The following KYAT3 variants were observed in gnomAD, a reference collection of about 807,000 sequenced individuals.
KYAT3 encodes the protein kynurenine aminotransferase 3, also known as kynurenine--oxoglutarate transaminase 3.
Under a neutral mutation model 59.0 loss-of-function variants are expected in KYAT3, and 50 were observed. The ratio of observed to expected loss-of-function variants is 0.85; its 90% CI spans 0.68 to 1.07. KYAT3 has a LOEUF of 1.07. Among genes scored for constraint, KYAT3 ranks in the 50% least tolerant of loss-of-function variants. The pLI, the probability that KYAT3 is intolerant of heterozygous loss-of-function variation, is 0.00. For missense variants in KYAT3, 497 were observed against 533.3 expected, an observed-to-expected ratio of 0.93 and a Z score of 0.67; for synonymous variants, 148 against 177.0, an observed-to-expected ratio of 0.84 and a Z score of 1.30.
At chr1:88,984,775 A>C (rs914558625) in intron 2 of KYAT3, among the ~76,000 whole-genome samples, 12 of 152,208 alleles carry the variant, frequency 7.9e-5, no homozygotes, top group Admixed American at 6.5e-4. Context: ...GGCTTTTGTA[A>C]ATTGAAGCTA....
chr1:88,922,853 G>A, the KYAT3 span, among the ~76,000 whole-genome samples: 4 of 152,318 alleles, frequency 2.6e-5, no homozygotes, highest in South Asian at 4.2e-4. Flanking sequence ...ACAGTGATTA[G>A]TTCAGGGATG....
intron 9 of KYAT3, among the ~76,000 whole-genome samples, 199 bp from the exon 10 acceptor site, chr1:88,953,351 C>A (rs1000128092): frequency 6.6e-6 from 1 of 151,966 alleles, no homozygotes; most frequent in Non-Finnish European, 1.5e-5. Flanking sequence ...TGAAGACCAG[C>A]CTGGTCAACA....
intron 2 of KYAT3, among the ~76,000 whole-genome samples, chr1:88,987,913 T>C (rs1305717194): frequency 6.6e-6 from 1 of 152,242 alleles, no homozygotes; most frequent in African/African-American, 2.4e-5. Context: ...TTGGTGGTTA[T>C]GGGTTTTAAA....
intron 2 of KYAT3, among the ~76,000 whole-genome samples, chr1:88,986,495 T>C (rs980997556): frequency 6.6e-6 from 1 of 151,748 alleles, no homozygotes; most frequent in African/African-American, 2.4e-5. Context: ...TTTTGCCATG[T>C]TGCCCAGGCT....
At chr1:88,946,755 G>A (rs1214236558) in intron 11 of KYAT3, among the ~76,000 whole-genome samples, 1 of 152,112 alleles carries the variant, frequency 6.6e-6, no homozygotes, top group Non-Finnish European at 1.5e-5. Context: ...AACACCTTAA[G>A]AGGTTCTATA....
intron 2 of KYAT3, among the ~76,000 whole-genome samples, chr1:88,976,986 T>C (rs561724929): frequency 2.1e-4 from 32 of 152,292 alleles, no homozygotes; most frequent in African/African-American, 7.5e-4. Flanking sequence ...TGAATTGTCT[T>C]CAATTTATTA....
intron 2 of KYAT3, among the ~76,000 whole-genome samples, chr1:88,973,209 T>C (rs150128496): frequency 4.9e-4 from 74 of 152,346 alleles, no homozygotes; most frequent in African/African-American, 1.8e-3. Context: ...ACAATCTTAT[T>C]CACAGCTCTC....
intron 2 of KYAT3, among the ~76,000 whole-genome samples, chr1:88,969,712 G>A (rs1676479638): frequency 6.6e-6 from 1 of 151,818 alleles, no homozygotes; most frequent in South Asian, 2.1e-4. Flanking sequence ...TGTGATCATG[G>A]CTCACTGCAG....
At chr1:88,924,673 C>A in the KYAT3 span, among the ~76,000 whole-genome samples, 1 of 152,218 alleles carries the variant, frequency 6.6e-6, no homozygotes, top group African/African-American at 2.4e-5. Flanking sequence ...TTGCCGCCAT[C>A]GCAGACTCGC....
chr1:88,936,897 G>A (rs1368922819), intron 13 of KYAT3, among the ~76,000 whole-genome samples: 2 of 152,276 alleles, frequency 1.3e-5, no homozygotes, highest in African/African-American at 4.8e-5. Flanking sequence ...AAGCCAATAG[G>A]TGAGGCTGAG....
At chr1:88,941,518 AT>A (rs985868923) in intron 13 of KYAT3, among the ~76,000 whole-genome samples, 1 of 144,790 alleles carries the variant, frequency 6.9e-6, no homozygotes, top group Non-Finnish European at 1.5e-5. Context: ...TAGATATAGC[AT>A]TCTAGGCTGT....
intron 2 of KYAT3, chr1:88,983,726 A>G (rs1375307426): frequency 1.9e-6 from 3 of 1,613,970 alleles, no homozygotes; most frequent in Non-Finnish European, 2.5e-6. Context: ...TACTTCCACT[A>G]TTCGTCCATA....
downstream of KYAT3, among the ~76,000 whole-genome samples, chr1:88,930,845 C>T (rs1674892150): frequency 6.6e-6 from 1 of 151,894 alleles, no homozygotes; most frequent in South Asian, 2.1e-4. Context: ...CTTACACTGC[C>T]AAGGTCATCA....
At chr1:88,921,826 C>T in the KYAT3 span, among the ~76,000 whole-genome samples, 1 of 152,150 alleles carries the variant, frequency 6.6e-6, no homozygotes, top group Non-Finnish European at 1.5e-5. Context: ...TTCTCTTTAA[C>T]TCAGGGGAAG....
In KYAT3 at chr1:88,961,419, C is replaced by G. The variant is rs1204642849; in HGVS notation, c.628G>C (p.Ala210Pro). The change falls in exon 7 of 14, where the codon GCT (alanine) becomes CCT (proline). Residue 210 changes from alanine (A) to proline (P), a missense_variant. Coordinates refer to ENST00000260508, the MANE Select transcript of KYAT3 (RefSeq NM_001008661.3). ...LESKFNSKTK[A>P]IILNTPHNPL... Reference sequence around the variant, plus strand: ...TTATGTGGAGTATTTAGTATAATAGCTTTGGTTTTGGAATTAAATTTACTT... The same window carrying G: ...TTATGTGGAGTATTTAGTATAATAGGTTTGGTTTTGGAATTAAATTTACTT... The G allele has an allele frequency of 6.2e-7, 1 of 1,613,926 alleles. No homozygotes were observed. Among genetic ancestry groups the G allele is most frequent in the Non-Finnish European group, 8.5e-7 (1 of 1,179,908 alleles).
chr1:88,959,221 A>G (rs539624575), intron 8 of KYAT3, among the ~76,000 whole-genome samples: 6 of 151,990 alleles, frequency 3.9e-5, no homozygotes, highest in African/African-American at 1.4e-4. Context: ...TTGAGATTAC[A>G]GTGAGCTCTG....
chr1:88,935,723 T>C (rs529722481), downstream of KYAT3: 165 of 322,604 alleles, frequency 5.1e-4, no homozygotes, highest in Non-Finnish European at 7.4e-4. Flanking sequence ...ATAGATGTGG[T>C]TGAGGGGTGG....
intron 13 of KYAT3, among the ~76,000 whole-genome samples, chr1:88,939,003 C>T (rs1425045672): frequency 3.3e-5 from 5 of 152,152 alleles, no homozygotes; most frequent in Admixed American, 3.3e-4. Context: ...CACATCTGAA[C>T]AGAAATTTTC....
intron 4 of KYAT3, among the ~76,000 whole-genome samples, chr1:88,966,328 A>G (rs1468693617): frequency 2.0e-5 from 3 of 152,222 alleles, no homozygotes; most frequent in African/African-American, 7.2e-5. Flanking sequence ...GGGAAAACTG[A>G]CATAGACAAT....
Sources: allele counts gnomAD v4.1 joint callset (sites outside exome capture counted in the v4.1 genomes callset), GRCh38; gene constraint gnomAD v4.1.1; transcripts MANE v1.5; gene names NCBI Gene and HGNC (gene_info 2026-07-23, HGNC 2026-07-21).